The following OSMR variants were observed in gnomAD, a reference collection of about 807,000 sequenced individuals.
OSMR encodes oncostatin-M-specific receptor subunit beta.
In OSMR, 81 loss-of-function variants were observed where a neutral mutation model predicts 99.9. The ratio of observed to expected loss-of-function variants is 0.81; its 90% confidence interval spans 0.68 to 0.97. OSMR has a LOEUF of 0.97. Among genes scored for constraint, OSMR ranks in the 50% least tolerant of loss-of-function variants. The probability of loss-of-function intolerance (pLI) is 0.00; values close to 1 mark genes in which losing one functional copy is unlikely to be tolerated. For missense variants in OSMR, 1,099 were observed against 1,153.4 expected, an observed-to-expected ratio of 0.95 and a Z score of 0.68; for synonymous variants, 406 against 410.4, an observed-to-expected ratio of 0.99 and a Z score of 0.13.
In OSMR at chr5:38,918,923, G is replaced by A. The variant is rs1427888275; in HGVS notation, c.1446G>A (p.Glu482=). 3.7e-6 allele frequency: 6 copies of A among 1,613,852 alleles called. No individual in the cohort carries two copies. The highest frequency in any genetic ancestry group is 4.2e-6 in the Non-Finnish European group (5 of 1,179,872). Residue 482 remains glutamate, a synonymous_variant, in exon 11 of 18, where the codon GAG becomes GAA. Coordinates refer to ENST00000274276, the MANE Select transcript of OSMR (RefSeq NM_003999.3). The part of the protein sequence containing the change: ...VENLDKPSSS[E]LHSIPAPANS... ...ACCTAGACAAACCATCCAGTTCAGAGCTCCATTCCATTCCAGCACCAGCCA... is the reference window on the plus strand; with the variant it reads ...ACCTAGACAAACCATCCAGTTCAGAACTCCATTCCATTCCAGCACCAGCCA...
At chr5:38,860,758 C>T (rs1028817601) in intron 1 of OSMR, among the ~76,000 whole-genome samples, 6 of 152,140 alleles carry the variant, frequency 3.9e-5, no homozygotes, top group South Asian at 2.1e-4. Flanking sequence ...CTGCAACCTC[C>T]GCCTCCTGGG....
Position 38,917,575 on chromosome 5 carries a change from A to C in OSMR, c.1315A>C (p.Ile439Leu), listed in dbSNP as rs1466547734. ...CTCAGAGGCCCCTGATGTCTGGAGA[A>C]TTGTGAGCTTGGAGCCAGGAAATCA... ...APSEAPDVWR[I>L]VSLEPGNHTV... The change falls in exon 10 of 18, where the codon ATT (isoleucine) becomes CTT (leucine). Residue 439 changes from isoleucine (I) to leucine (L), a missense_variant. Coordinates refer to ENST00000274276, the MANE Select transcript of OSMR (RefSeq NM_003999.3). The C allele has an allele frequency of 1.2e-6, 2 of 1,613,692 alleles. No individual in the cohort carries two copies. The highest frequency in any genetic ancestry group is 1.7e-6 in the Non-Finnish European group (2 of 1,179,650).
At chr5:38,903,552 G>A (rs1745028634) in intron 7 of OSMR, among the ~76,000 whole-genome samples, 1 of 152,104 alleles carries the variant, frequency 6.6e-6, no homozygotes, top group South Asian at 2.1e-4. Context: ...TGTTATTTTG[G>A]TTACACTCTG....
intron 7 of OSMR, among the ~76,000 whole-genome samples, chr5:38,899,363 T>C (rs1744742699): frequency 6.6e-6 from 1 of 152,052 alleles, no homozygotes. Flanking sequence ...GATCCAGAAA[T>C]GCCAGCCAAG....
At chr5:38,917,393 C>T (rs1745968436) in intron 9 of OSMR, 153 bp from the exon 10 acceptor site, 1 of 984,646 alleles carries the variant, frequency 1.0e-6, no homozygotes, top group Non-Finnish European at 1.2e-6. Context: ...TGGCTGTGGA[C>T]CAGTGGGTAG....
At chr5:38,923,996 A>G (rs1391872138) in intron 13 of OSMR, among the ~76,000 whole-genome samples, 1 of 152,084 alleles carries the variant, frequency 6.6e-6, no homozygotes, top group African/African-American at 2.4e-5. Context: ...AAATCCCCCC[A>G]CTTGCCTCTT....
chr5:38,853,630 G>C (rs1740615074), intron 1 of OSMR, among the ~76,000 whole-genome samples: 3 of 152,076 alleles, frequency 2.0e-5, no homozygotes. Context: ...ATATTTTTTG[G>C]ATTCAGAATA....
At chr5:38,945,283 T>A, downstream of OSMR, 3 of 608,176 alleles carry the variant, frequency 4.9e-6, no homozygotes, top group Non-Finnish European at 2.9e-6. Context: ...AAAGACCTAA[T>A]CCAGGGATCT....
intron 7 of OSMR, among the ~76,000 whole-genome samples, chr5:38,902,015 G>A (rs1034742695): frequency 4.6e-5 from 7 of 152,174 alleles, no homozygotes; most frequent in Admixed American, 2.0e-4. Context: ...AGTGGCCTTG[G>A]CATTTAGCCT....
chr5:38,923,439 T>C (rs886774681), intron 13 of OSMR, among the ~76,000 whole-genome samples, 185 bp downstream of exon 13: 4 of 152,214 alleles, frequency 2.6e-5, no homozygotes, highest in Admixed American at 2.0e-4. Flanking sequence ...TTAATTCTCA[T>C]TGCTAAGTCT....
chr5:38,884,458 C>A (rs544365551), intron 5 of OSMR, among the ~76,000 whole-genome samples: 55 of 152,302 alleles, frequency 3.6e-4, no homozygotes, highest in Non-Finnish European at 7.9e-4. Context: ...GATTGGACAA[C>A]CATGGAGTCA....
intron 4 of OSMR, 200 bp from the exon 5 acceptor site, chr5:38,883,626 CA>C (rs1333991270): frequency 2.5e-6 from 2 of 800,208 alleles, no homozygotes; most frequent in Non-Finnish European, 3.0e-6. Flanking sequence ...GCAGTGGTAT[CA>C]GTGTAACAAT....
chr5:38,852,505 A>G (rs370066191), intron 1 of OSMR, among the ~76,000 whole-genome samples: 1 of 152,270 alleles, frequency 6.6e-6, no homozygotes, highest in African/African-American at 2.4e-5. Flanking sequence ...CTACATAGAC[A>G]TACACAGACA....
chr5:38,861,457 G>C (rs1407218726), intron 1 of OSMR, among the ~76,000 whole-genome samples: 1 of 152,200 alleles, frequency 6.6e-6, no homozygotes, highest in African/African-American at 2.4e-5. Flanking sequence ...CCGATCAACA[G>C]GATCCCAAGG....
chr5:38,930,920 T>TTC (rs1554056380), intron 15 of OSMR, among the ~76,000 whole-genome samples: 1 of 141,890 alleles, frequency 7.0e-6, no homozygotes, highest in Non-Finnish European at 1.5e-5. Context: ...CAGAAGCATT[T>TTC]TGTGTGTGTG....
intron 7 of OSMR, among the ~76,000 whole-genome samples, chr5:38,887,678 C>T (rs391463): frequency 0.31 from 46,389 of 151,948 alleles, 7,437 homozygotes; most frequent in African/African-American, 0.35. Flanking sequence ...GTGCCATACT[C>T]TTTTATGTAA....
At chr5:38,944,101 A>C in intron 1 of OSMR, 1 of 388,040 alleles carries the variant, frequency 2.6e-6, no homozygotes, top group East Asian at 7.4e-5. Context: ...TTATTTTAAA[A>C]ATAAATCCAT....
chr5:38,900,310 A>C (rs985163458), intron 7 of OSMR, among the ~76,000 whole-genome samples: 1 of 152,220 alleles, frequency 6.6e-6, no homozygotes, highest in East Asian at 1.9e-4. Context: ...GAGGGGTGGC[A>C]TCAGTGATTT....
intron 9 of OSMR, among the ~76,000 whole-genome samples, chr5:38,917,051 A>G (rs1418452717): frequency 1.3e-5 from 2 of 152,014 alleles, no homozygotes; most frequent in Non-Finnish European, 2.9e-5. Flanking sequence ...GAGTGGGATG[A>G]GGCCTGCCCA....
Sources: allele counts gnomAD v4.1 joint callset (sites outside exome capture counted in the v4.1 genomes callset), GRCh38; gene constraint gnomAD v4.1.1; transcripts MANE v1.5; gene names NCBI Gene and HGNC (gene_info 2026-07-23, HGNC 2026-07-21).